The following NFASC variants were observed in gnomAD, a reference collection of about 807,000 sequenced individuals.
NFASC encodes neurofascin, also known as neurofascin homolog.
Under a neutral mutation model 147.5 loss-of-function variants are expected in NFASC, and 43 were observed. The observed-to-expected ratio is 0.29, with a 90% CI of 0.23 to 0.38. The LOEUF (loss-of-function observed/expected upper bound fraction) is 0.38, where lower values mean the gene tolerates loss of function less well. Ranked by LOEUF, NFASC falls within the 10% of genes least tolerant of loss-of-function variation. The probability of loss-of-function intolerance (pLI) is 1.00; values close to 1 mark genes in which losing one functional copy is unlikely to be tolerated. For synonymous variants in NFASC, 622 were observed against 665.5 expected (o/e 0.93, Z 1.01); for missense variants, 1,320 against 1,689.0 (o/e 0.78, Z 3.83).
At chr1:204,899,357 G>T (rs548040290) in intron 1 of NFASC, among the ~76,000 whole-genome samples, 1 of 152,306 alleles carries the variant, frequency 6.6e-6, no homozygotes, top group African/African-American at 2.4e-5. Flanking sequence ...TGAGGTTTCT[G>T]CTCATAGCCC....
intron 1 of NFASC, among the ~76,000 whole-genome samples, chr1:204,871,509 G>A (rs1030156340): frequency 1.3e-5 from 2 of 152,138 alleles, no homozygotes; most frequent in African/African-American, 4.8e-5. Context: ...TTAACTCTGT[G>A]GCGTGTCTCT....
chr1:204,850,103 T>G (rs2075544971), intron 1 of NFASC, among the ~76,000 whole-genome samples: 1 of 152,172 alleles, frequency 6.6e-6, no homozygotes, highest in Non-Finnish European at 1.5e-5. Context: ...ATACTAATCC[T>G]TGCTCTGCTC....
intron 1 of NFASC, among the ~76,000 whole-genome samples, chr1:204,910,774 G>T (rs1164304098): frequency 6.6e-6 from 1 of 152,058 alleles, no homozygotes; most frequent in Non-Finnish European, 1.5e-5. Flanking sequence ...AAAGTGCTGG[G>T]ATTATAGGTG....
intron 4 of NFASC, 68 bp from the exon 5 acceptor site, chr1:204,951,943 C>T: frequency 1.5e-6 from 2 of 1,306,746 alleles, no homozygotes; most frequent in Non-Finnish European, 1.1e-6. Flanking sequence ...TTCATCTCAG[C>T]TGTTCCCCAA....
chr1:204,992,218 T>G (rs573347664), intron 24 of NFASC, among the ~76,000 whole-genome samples: 1 of 152,252 alleles, frequency 6.6e-6, no homozygotes, highest in Admixed American at 6.5e-5. Flanking sequence ...AGAACAGGAT[T>G]CACCCTGGCA....
intron 1 of NFASC, among the ~76,000 whole-genome samples, chr1:204,891,807 G>A (rs1189552076): frequency 2.0e-5 from 3 of 152,218 alleles, no homozygotes; most frequent in Non-Finnish European, 4.4e-5. Context: ...TGCCTGGCAA[G>A]TCCAGAGGAA....
chr1:205,001,058 C>CGCGAGTGTGGGCATGTGCGTGT, intron 25 of NFASC, 112 bp from the exon 26 acceptor site: 1 of 715,448 alleles, frequency 1.4e-6, no homozygotes, highest in Non-Finnish European at 2.6e-6. Context: ...TGTGTGCGTG[C>CGCGAGTGTGGGCATGTGCGTGT]GCGAGTGTGG....
At chr1:204,883,468 T>A (rs2080699957) in intron 1 of NFASC, among the ~76,000 whole-genome samples, 1 of 152,192 alleles carries the variant, frequency 6.6e-6, no homozygotes, top group South Asian at 2.1e-4. Flanking sequence ...TCGACCCCGC[T>A]CTGTGGCCTG....
chr1:204,949,411 C>T (rs1479719557), intron 3 of NFASC, among the ~76,000 whole-genome samples: 1 of 152,242 alleles, frequency 6.6e-6, no homozygotes, highest in Non-Finnish European at 1.5e-5. Flanking sequence ...CTGATGCTGG[C>T]AGCTCGCAGC....
chr1:204,956,906 T>G (rs912678406), intron 7 of NFASC, among the ~76,000 whole-genome samples: 2 of 149,168 alleles, frequency 1.3e-5, no homozygotes. Flanking sequence ...ATATAGCACT[T>G]GAAAAAAAAA....
At position 205,009,434 on chromosome 1, in the gene NFASC, T is replaced by C. The variant is rs747005897; in HGVS notation, c.3290-123T>C. ...TAGTTTGGGCCAGGGGGCTGCTAGG[T>C]GGTAGTGTTAGGCTCCAGGAGAAAC... On this transcript the variant is annotated intron_variant, in intron 27 of 29. Transcript: ENST00000339876. The C allele has an allele frequency of 2.9e-6, 3 of 1,036,840 alleles. No homozygotes were observed. The East Asian group carries it at 7.1e-5, about 24-fold the overall frequency. 64.2% of individuals were successfully genotyped at this position (1,036,840 alleles called of 1,614,324 possible).
At chr1:204,924,443 C>A (rs1177040261) in intron 2 of NFASC, among the ~76,000 whole-genome samples, 1 of 152,224 alleles carries the variant, frequency 6.6e-6, no homozygotes, top group East Asian at 1.9e-4. Flanking sequence ...CCAATATTGG[C>A]AGCTGAATTG....
intron 2 of NFASC, among the ~76,000 whole-genome samples, chr1:204,926,343 C>G (rs1328121117): frequency 1.4e-5 from 2 of 138,726 alleles, no homozygotes; most frequent in Non-Finnish European, 3.0e-5. Flanking sequence ...TTTTTTCTAA[C>G]AAAGGCTTCC....
At chr1:204,839,042 T>G (rs4950966) in intron 1 of NFASC, among the ~76,000 whole-genome samples, 35,556 of 152,186 alleles carry the variant, frequency 0.23, 6,498 homozygotes, top group East Asian at 0.73. Flanking sequence ...TGTGTCTCTG[T>G]TCTTAGGCTT....
chr1:204,942,506 G>A (rs1345715991), intron 2 of NFASC, among the ~76,000 whole-genome samples: 1 of 152,210 alleles, frequency 6.6e-6, no homozygotes, highest in Non-Finnish European at 1.5e-5. Context: ...AGTTGCACTA[G>A]GGGAGTAGCA....
At chr1:204,953,006 T>C (rs570979361) in intron 5 of NFASC, among the ~76,000 whole-genome samples, 1 of 152,226 alleles carries the variant, frequency 6.6e-6, no homozygotes, top group Non-Finnish European at 1.5e-5. Context: ...GGAGTCACCC[T>C]GAAGGGTTAG....
At chr1:204,934,668 G>A (rs2092682635) in intron 2 of NFASC, among the ~76,000 whole-genome samples, 1 of 152,166 alleles carries the variant, frequency 6.6e-6, no homozygotes, top group Non-Finnish European at 1.5e-5. Context: ...AGAAGAGAGG[G>A]GAAACTCCTC....
intron 1 of NFASC, among the ~76,000 whole-genome samples, chr1:204,915,000 G>T (rs572945194): frequency 6.6e-6 from 1 of 152,318 alleles, no homozygotes; most frequent in South Asian, 2.1e-4. Flanking sequence ...AAGGCACGCT[G>T]GGCGCGGTGG....
intron 1 of NFASC, among the ~76,000 whole-genome samples, chr1:204,830,298 T>C (rs974865339): frequency 9.2e-5 from 14 of 152,096 alleles, no homozygotes; most frequent in African/African-American, 2.4e-4. Flanking sequence ...CTTAAAGCAA[T>C]AGGAGAATAG....
Sources: allele counts gnomAD v4.1 joint callset (sites outside exome capture counted in the v4.1 genomes callset), GRCh38; gene constraint gnomAD v4.1.1; transcripts MANE v1.5; gene names NCBI Gene and HGNC (gene_info 2026-07-23, HGNC 2026-07-21).